The following SYNE1 variants were observed in gnomAD, a reference collection of about 807,000 sequenced individuals.
SYNE1 encodes nesprin-1.
A neutral mutation model predicts 1,111.0 loss-of-function variants in SYNE1; 616 were observed. That is an observed-to-expected ratio of 0.55 (90% confidence interval 0.52 to 0.59). The LOEUF is 0.59. SYNE1 is among the 20% of genes least tolerant of loss of function. The probability of loss-of-function intolerance (pLI) is 0.00; values close to 1 mark genes in which losing one functional copy is unlikely to be tolerated. For synonymous variants in SYNE1, 3,855 were observed against 3,825.8 expected (o/e 1.01, Z -0.28); for missense variants, 10,006 against 10,417.0 (o/e 0.96, Z 1.72).
At chr6:152,357,603 G>A (rs1018801641) in intron 66 of SYNE1, among the ~76,000 whole-genome samples, 1 of 152,030 alleles carries the variant, frequency 6.6e-6, no homozygotes, top group Non-Finnish European at 1.5e-5. Flanking sequence ...GCCCTTCTTT[G>A]ATGCTACCAT....
chr6:152,405,308 A>C (rs1205633777), intron 45 of SYNE1, among the ~76,000 whole-genome samples: 3 of 152,234 alleles, frequency 2.0e-5, no homozygotes, highest in Non-Finnish European at 4.4e-5. Context: ...GGTCAATAGT[A>C]GTTGATTACT....
intron 3 of SYNE1, among the ~76,000 whole-genome samples, chr6:152,619,635 A>G (rs577499841): frequency 7.9e-5 from 12 of 152,202 alleles, no homozygotes; most frequent in Non-Finnish European, 1.6e-4. Flanking sequence ...TAGTTTAGTT[A>G]CATAGCAAAG....
chr6:152,374,020 G>C (rs1591396424), intron 58 of SYNE1, among the ~76,000 whole-genome samples: 2 of 152,316 alleles, frequency 1.3e-5, no homozygotes, highest in East Asian at 3.9e-4. Flanking sequence ...GACAGCAGAT[G>C]AATTTCCGTG....
intron 14 of SYNE1, among the ~76,000 whole-genome samples, chr6:152,479,191 G>A (rs1004170170): frequency 6.6e-6 from 1 of 152,064 alleles, no homozygotes; most frequent in Admixed American, 6.6e-5. Flanking sequence ...CAGGATCCTG[G>A]GGGAAGAGGT....
chr6:152,193,787 A>G (rs1447899945), intron 127 of SYNE1, among the ~76,000 whole-genome samples: 2 of 152,058 alleles, frequency 1.3e-5, no homozygotes, highest in Non-Finnish European at 2.9e-5. Context: ...CAAGGTGGGC[A>G]GATCATGAGG....
At chr6:152,469,200 T>C (rs552195390) in intron 16 of SYNE1, among the ~76,000 whole-genome samples, 2 of 152,330 alleles carry the variant, frequency 1.3e-5, no homozygotes, top group Admixed American at 1.3e-4. Context: ...GCCTGTTCTA[T>C]AATGAATGAT....
intron 138 of SYNE1, among the ~76,000 whole-genome samples, chr6:152,142,321 T>C (rs1192184375): frequency 6.6e-6 from 1 of 152,196 alleles, no homozygotes; most frequent in Non-Finnish European, 1.5e-5. Context: ...TCTTTCTCTT[T>C]CTTAAATTGA....
At position 152,272,335 on chromosome 6, in the gene SYNE1, A is replaced by G. The variant is rs973679771; in HGVS notation, c.18574-3049T>C. Reference sequence around the variant, plus strand: ...GCCATGCCTAGGGAATGCAGAGGTTAGGCGGTTTCTGTCACCAGTCCCCAC... The same window carrying G: ...GCCATGCCTAGGGAATGCAGAGGTTGGGCGGTTTCTGTCACCAGTCCCCAC... On this transcript the variant is annotated intron_variant, in intron 98 of 145. Coordinates refer to ENST00000367255, the MANE Select transcript of SYNE1 (RefSeq NM_182961.4). Among the ~76,000 whole-genome samples, 6 of 152,346 alleles carry G rather than the reference A, an allele frequency of 3.9e-5. No individual in the cohort carries two copies. In the East Asian group the frequency reaches 1.2e-3, roughly 29 times the overall value.
chr6:152,172,273 T>A (rs1472867112), intron 130 of SYNE1, among the ~76,000 whole-genome samples: 1 of 152,312 alleles, frequency 6.6e-6, no homozygotes, highest in East Asian at 1.9e-4. Context: ...AATAGATGCA[T>A]AGCTTTATAA....
intron 99 of SYNE1, 41 bp from the exon 100 acceptor site, chr6:152,268,206 T>G (rs370740866): frequency 6.8e-7 from 1 of 1,469,220 alleles, no homozygotes; most frequent in Non-Finnish European, 9.5e-7. Context: ...ATTTGCTACT[T>G]TATGATTATT....
At chr6:152,428,538 A>G (rs2098395672) in intron 36 of SYNE1, 146 bp from the exon 37 acceptor site, 1 of 767,754 alleles carries the variant, frequency 1.3e-6, no homozygotes, top group African/African-American at 1.7e-5. Context: ...ATACAGTTTG[A>G]TAGAAGAAAT....
chr6:152,306,487 A>AAAATAAATAAAT lies in SYNE1; in HGVS notation c.17346+1990_17346+2001dup, dbSNP rs56931883. ...GGCAACAGAGCGAGACTCCATCTAA[A>AAAATAAATAAAT]AAATAAATAAATAAATAAATAAATA... On this transcript the variant is annotated intron_variant, in intron 91 of 145. Coordinates refer to ENST00000367255, the MANE Select transcript of SYNE1 (RefSeq NM_182961.4). Among the ~76,000 whole-genome samples, 1,058 of 142,530 alleles carry AAAATAAATAAAT rather than the reference A, an allele frequency of 7.4e-3. 3 individuals carry two copies. The highest frequency in any genetic ancestry group is 7.7e-3 in the Non-Finnish European group (506 of 65,824). 93.5% of individuals were successfully genotyped at this position (142,530 alleles called of 152,430 possible). A position where few individuals can be genotyped will look rare whatever the true frequency, so the allele number is the denominator to read the frequency against.
chr6:152,395,515 C>A lies in SYNE1; in HGVS notation c.7712+1G>T. ...GGACCTGTTCCATTTCTGGACCATA[C>A]CTTGCAGCCAGCAGTTCTCCCAAAA... On this transcript the variant is annotated splice_donor_variant, in intron 51 of 145. Transcript: ENST00000367255. LOFTEE classifies it high-confidence loss of function. The A allele has an allele frequency of 6.2e-7, 1 of 1,613,384 alleles. No individual in the cohort carries two copies. The highest frequency in any genetic ancestry group is 8.5e-7 in the Non-Finnish European group (1 of 1,179,636).
rs2051570567 is a variant in SYNE1, at chr6:152,122,285, T to C, written c.*151A>G. Reference sequence around the variant, plus strand: ...TGTTTATCTTCCACCTCTGAAGCCATAATTTGCACACATGTGATCTGGAGG... The same window carrying C: ...TGTTTATCTTCCACCTCTGAAGCCACAATTTGCACACATGTGATCTGGAGG... On this transcript the variant is annotated 3_prime_UTR_variant, in exon 146 of 146. Coordinates refer to ENST00000367255, the MANE Select transcript of SYNE1 (RefSeq NM_182961.4). 8.2e-7 allele frequency: 1 copy of C among 1,215,408 alleles called. No individual in the cohort carries two copies. The highest frequency in any genetic ancestry group is 1.2e-6 in the Non-Finnish European group (1 of 838,316). The allele number at this position is 1,215,408 out of a possible 1,614,324, so 75.3% of individuals were successfully genotyped here.
At position 152,202,071 on chromosome 6, in the gene SYNE1, G is replaced by A. The variant is rs1371808064; in HGVS notation, c.23020-122C>T. Reference sequence around the variant, plus strand: ...GAATGAAAGTTACACTGATGGCTGAGTGTGGTGGCTCACGCGTGTAATCCC... The same window carrying A: ...GAATGAAAGTTACACTGATGGCTGAATGTGGTGGCTCACGCGTGTAATCCC... On this transcript the variant is annotated intron_variant, in intron 126 of 145. Coordinates refer to ENST00000367255, the MANE Select transcript of SYNE1 (RefSeq NM_182961.4). The A allele has an allele frequency of 3.1e-6, 4 of 1,307,306 alleles. No individual in the cohort carries two copies. In the East Asian group the frequency reaches 9.9e-5, roughly 32 times the overall value. The allele number at this position is 1,307,306 out of a possible 1,614,324, so 81.0% of individuals were successfully genotyped here.
At position 152,293,574 on chromosome 6, in the gene SYNE1, A is replaced by G; in HGVS notation, c.18012+14T>C. ...TTCAATCAAGTAGGAAACTGAAGTC[A>G]TGGCTATTTGTACCTGATGTTCAGC... On this transcript the variant is annotated intron_variant, in intron 95 of 145. Transcript: ENST00000367255. 1 of 1,613,876 alleles carries G rather than the reference A, an allele frequency of 6.2e-7. No individual in the cohort carries two copies. Among genetic ancestry groups the G allele is most frequent in the Non-Finnish European group, 8.5e-7 (1 of 1,179,842 alleles).
chr6:152,456,077 T>G (rs1416000697), intron 22 of SYNE1, 33 bp from the exon 23 acceptor site: 2 of 1,603,894 alleles, frequency 1.2e-6, no homozygotes, highest in Non-Finnish European at 1.7e-6. Flanking sequence ...AACAATGTTA[T>G]TTACAAGACA....
At position 152,546,323 on chromosome 6, in the gene SYNE1, C is replaced by T. The variant is rs544945848; in HGVS notation, c.68-6302G>A. 4 of 152,196 alleles carry T rather than the reference C, an allele frequency of 2.6e-5. No individual in the cohort carries two copies. The South Asian group carries it at 8.3e-4, about 32-fold the overall frequency. The allele number at this position is 152,196 out of a possible 1,614,324, so 9.4% of individuals were successfully genotyped here. On this transcript the variant is annotated intron_variant, in intron 3 of 145. Coordinates refer to ENST00000367255, the MANE Select transcript of SYNE1 (RefSeq NM_182961.4). ...GGCTGTGGCAGATTTCCAAATATGA[C>T]CATAAATTCTTCCCATTGTGATCAG...
chr6:152,615,387 T>C (rs532063342), intron 3 of SYNE1, among the ~76,000 whole-genome samples: 5 of 152,058 alleles, frequency 3.3e-5, no homozygotes, highest in South Asian at 4.2e-4. Context: ...TCATATTAAA[T>C]GCATAAAGAT....
Sources: allele counts gnomAD v4.1 joint callset (sites outside exome capture counted in the v4.1 genomes callset), GRCh38; gene constraint gnomAD v4.1.1; transcripts MANE v1.5; gene names NCBI Gene and HGNC (gene_info 2026-07-23, HGNC 2026-07-21).